TUSC3: variants seen among roughly 807,000 people sequenced by gnomAD.
TUSC3 encodes the protein tumor suppressor candidate 3.
Under a neutral mutation model 44.8 loss-of-function variants are expected in TUSC3, and 45 were observed. That is an observed-to-expected ratio of 1.00 (90% CI 0.79 to 1.29). The LOEUF (loss-of-function observed/expected upper bound fraction) is 1.29. TUSC3 is among the 50% of genes most tolerant of loss of function. The pLI is 0.00. For missense variants in TUSC3, 519 were observed against 437.9 expected (o/e 1.19, Z -1.65); for synonymous variants, 212 against 152.9 (o/e 1.39, Z -2.85).
chr8:15,688,505 C>G (rs1339130852), intron 6 of TUSC3, among the ~76,000 whole-genome samples: 6 of 149,364 alleles, frequency 4.0e-5, no homozygotes, highest in Non-Finnish European at 8.9e-5. Flanking sequence ...TTGTGTGTCA[C>G]AGGGGTTTGA....
At chr8:15,528,651 A>G (rs1801408938) in intron 2 of TUSC3, among the ~76,000 whole-genome samples, 1 of 152,124 alleles carries the variant, frequency 6.6e-6, no homozygotes, top group Non-Finnish European at 1.5e-5. Context: ...TCTGTAGAAC[A>G]CTTCTTCACT....
chr8:15,669,894 T>G (rs1272529602), intron 5 of TUSC3, among the ~76,000 whole-genome samples: 1 of 151,658 alleles, frequency 6.6e-6, no homozygotes, highest in Non-Finnish European at 1.5e-5. Flanking sequence ...TAGCAGATGA[T>G]TTGATTTTGT....
chr8:15,501,237 A>G (rs1800960721), intron 2 of TUSC3, among the ~76,000 whole-genome samples: 1 of 152,014 alleles, frequency 6.6e-6, no homozygotes, highest in South Asian at 2.1e-4. Context: ...CTCTCTCTGG[A>G]CTTTCCTTCT....
At chr8:15,810,152 A>G in the TUSC3 span, among the ~76,000 whole-genome samples, 14 of 152,178 alleles carry the variant, frequency 9.2e-5, no homozygotes, top group African/African-American at 3.4e-4. Flanking sequence ...GGGGAAACGT[A>G]AATTCTCAGG....
At chr8:15,565,978 T>C (rs530069535) in intron 1 of TUSC3, among the ~76,000 whole-genome samples, 11 of 152,290 alleles carry the variant, frequency 7.2e-5, no homozygotes, top group East Asian at 5.8e-4. Context: ...GATGACTTAT[T>C]AAAAACTAAA....
chr8:15,617,132 G>GTGTGTGTGTGTGTGTGTGTGTGTA (rs375212684), intron 1 of TUSC3, among the ~76,000 whole-genome samples: 8 of 77,646 alleles, frequency 1.0e-4, no homozygotes, highest in East Asian at 3.7e-4. Flanking sequence ...GTGTGTGTGT[G>GTGTGTGTGTGTGTGTGTGTGTGTA]TATATATTTT....
intron 2 of TUSC3, among the ~76,000 whole-genome samples, chr8:15,488,954 C>T (rs1800770913): frequency 6.6e-6 from 1 of 152,170 alleles, no homozygotes; most frequent in Admixed American, 6.5e-5. Context: ...CTTTGACCTT[C>T]CCCAGTAATC....
intron 5 of TUSC3, among the ~76,000 whole-genome samples, chr8:15,672,578 A>G (rs962319873): frequency 2.6e-5 from 4 of 152,168 alleles, no homozygotes; most frequent in Middle Eastern, 3.4e-3. Context: ...GTATTATGAT[A>G]AAATTCTAGG....
chr8:15,656,571 C>CTG (rs778081472), intron 3 of TUSC3, among the ~76,000 whole-genome samples: 14 of 152,192 alleles, frequency 9.2e-5, no homozygotes, highest in Non-Finnish European at 1.8e-4. Flanking sequence ...AGGTTGAACC[C>CTG]TCAAGGCCTT....
intron 6 of TUSC3, among the ~76,000 whole-genome samples, chr8:15,716,640 A>T (rs1222095377): frequency 6.6e-6 from 1 of 152,160 alleles, no homozygotes; most frequent in African/African-American, 2.4e-5. Flanking sequence ...ATTATATGCT[A>T]ATAATATGTA....
intron 1 of TUSC3, among the ~76,000 whole-genome samples, chr8:15,563,732 A>G (rs1383212659): frequency 6.6e-6 from 1 of 150,774 alleles, no homozygotes; most frequent in Non-Finnish European, 1.5e-5. Flanking sequence ...ACAAAGGTGG[A>G]CTGAAACCAT....
chr8:15,476,517 AT>A (rs1800577039), intron 1 of TUSC3, among the ~76,000 whole-genome samples: 1 of 152,242 alleles, frequency 6.6e-6, no homozygotes, highest in Admixed American at 6.5e-5. Flanking sequence ...CTTAAACGTG[AT>A]TTACAAAGGA....
At chr8:15,514,437 C>A (rs1475711907) in intron 2 of TUSC3, among the ~76,000 whole-genome samples, 1 of 152,098 alleles carries the variant, frequency 6.6e-6, no homozygotes, top group East Asian at 1.9e-4. Context: ...AAATATATTT[C>A]TTTGGATGCT....
intron 6 of TUSC3, among the ~76,000 whole-genome samples, chr8:15,674,898 C>A (rs1312354915): frequency 6.6e-6 from 1 of 151,810 alleles, no homozygotes; most frequent in Admixed American, 6.6e-5. Context: ...ATAAATTATT[C>A]CCTTACCTTT....
At chr8:15,619,751 C>G (rs931076339) in intron 1 of TUSC3, among the ~76,000 whole-genome samples, 3 of 152,150 alleles carry the variant, frequency 2.0e-5, no homozygotes, top group African/African-American at 7.2e-5. Flanking sequence ...ACCTTGTGAG[C>G]TGCCTGCCTC....
chr8:15,740,327 C>G (rs1811134684), intron 7 of TUSC3, among the ~76,000 whole-genome samples: 1 of 151,930 alleles, frequency 6.6e-6, no homozygotes, highest in South Asian at 2.1e-4. Context: ...GAAACAACCA[C>G]CAAAACTCAT....
intron 2 of TUSC3, among the ~76,000 whole-genome samples, chr8:15,637,538 C>G (rs1478219348): frequency 6.6e-6 from 1 of 151,936 alleles, no homozygotes; most frequent in African/African-American, 2.4e-5. Flanking sequence ...TTTCAGTTTT[C>G]TCTTCATGAT....
At chr8:15,775,649 T>C in the TUSC3 span, among the ~76,000 whole-genome samples, 317 of 127,352 alleles carry the variant, frequency 2.5e-3, no homozygotes, top group Non-Finnish European at 3.0e-3. Flanking sequence ...TATATATATA[T>C]ACACACACAT....
At chr8:15,776,015 TTGAC>T in the TUSC3 span, among the ~76,000 whole-genome samples, 1 of 151,996 alleles carries the variant, frequency 6.6e-6, no homozygotes, top group Non-Finnish European at 1.5e-5. Flanking sequence ...ACTGTATAGT[TTGAC>T]TGTAGAAAAG....
Sources: allele counts gnomAD v4.1 joint callset (sites outside exome capture counted in the v4.1 genomes callset), GRCh38; gene constraint gnomAD v4.1.1; transcripts MANE v1.5; gene names NCBI Gene and HGNC (gene_info 2026-07-23, HGNC 2026-07-21).